Variants in MINDY4 observed in about 807,000 individuals in gnomAD.
The protein encoded by MINDY4 is probable ubiquitin carboxyl-terminal hydrolase MINDY-4.
In MINDY4, 68 loss-of-function variants were observed where a neutral mutation model predicts 87.0. The observed-to-expected ratio is 0.78, with a 90% CI of 0.64 to 0.96. MINDY4 has a LOEUF of 0.96. Among genes scored for constraint, MINDY4 ranks in the 40% least tolerant of loss-of-function variants. The probability of loss-of-function intolerance (pLI) is 0.00; values close to 1 mark genes in which losing one functional copy is unlikely to be tolerated. For missense variants in MINDY4, 919 were observed against 928.2 expected, an observed-to-expected ratio of 0.99 and a Z score of 0.13; for synonymous variants, 379 against 363.2, an observed-to-expected ratio of 1.04 and a Z score of -0.50.
At chr7:30,883,704 A>G (rs1377658377) in intron 17 of MINDY4, among the ~76,000 whole-genome samples, 2 of 152,160 alleles carry the variant, frequency 1.3e-5, no homozygotes, top group East Asian at 1.9e-4. Context: ...GGCCCTTCAC[A>G]AAGCCCTTGG....
chr7:30,860,298 G>A (rs963005190), intron 13 of MINDY4, among the ~76,000 whole-genome samples: 10 of 152,158 alleles, frequency 6.6e-5, no homozygotes, highest in South Asian at 2.1e-4. Flanking sequence ...GGCCTCTGCT[G>A]TGGATTCGGG....
intron 9 of MINDY4, among the ~76,000 whole-genome samples, chr7:30,844,597 A>C (rs574999591): frequency 3.9e-5 from 6 of 152,214 alleles, no homozygotes; most frequent in African/African-American, 1.2e-4. Context: ...TGGAGAAGAG[A>C]AGGGAGGTGG....
intron 1 of MINDY4, among the ~76,000 whole-genome samples, chr7:30,777,376 G>A (rs1786856691): frequency 6.6e-6 from 1 of 152,264 alleles, no homozygotes; most frequent in East Asian, 1.9e-4. Flanking sequence ...AATGCGGGTG[G>A]TTGGTTTTGA....
intron 5 of MINDY4, among the ~76,000 whole-genome samples, chr7:30,813,420 G>A (rs192302291): frequency 1.3e-4 from 20 of 152,300 alleles, no homozygotes; most frequent in Admixed American, 1.3e-3. Context: ...TTTCAGTACA[G>A]CCTTTCCACC....
At chr7:30,857,495 C>T (rs1304418436) in intron 12 of MINDY4, among the ~76,000 whole-genome samples, 1 of 41,584 alleles carries the variant, frequency 2.4e-5, no homozygotes, top group Non-Finnish European at 3.2e-5. Flanking sequence ...TTTTTTGAGA[C>T]GGAGTCTCGC....
At chr7:30,802,945 C>G (rs1787702600) in intron 5 of MINDY4, 1 of 152,018 alleles carries the variant, frequency 6.6e-6, no homozygotes, top group African/African-American at 2.4e-5. Context: ...AACCAACCAA[C>G]CCACCCAACC....
intron 5 of MINDY4, among the ~76,000 whole-genome samples, chr7:30,811,800 C>T (rs1390751802): frequency 6.6e-6 from 1 of 152,176 alleles, no homozygotes; most frequent in Non-Finnish European, 1.5e-5. Flanking sequence ...CTTGCTCAAT[C>T]GATCACGACC....
rs79336853 is a variant in MINDY4, at chr7:30,838,413, G to C, written c.1240-787G>C. On this transcript the variant is annotated intron_variant, in intron 7 of 17. Coordinates refer to ENST00000265299, the MANE Select transcript of MINDY4 (RefSeq NM_032222.3). ...CACTCATGGGCGGCATCACAGAGGAGGTTCTTACGCATGGTAGAGAGTTGT... is the reference window on the plus strand; with the variant it reads ...CACTCATGGGCGGCATCACAGAGGACGTTCTTACGCATGGTAGAGAGTTGT... 6.4e-3 allele frequency among the ~76,000 whole-genome samples: 981 copies of C among 152,262 alleles called. 11 individuals carry two copies. The highest frequency in any genetic ancestry group is 0.022 in the African/African-American group (927 of 41,538).
intron 11 of MINDY4, among the ~76,000 whole-genome samples, chr7:30,852,988 A>G (rs1416102040): frequency 6.6e-6 from 1 of 152,214 alleles, no homozygotes; most frequent in Non-Finnish European, 1.5e-5. Context: ...TGCTGAACTC[A>G]GGACACAGCC....
At chr7:30,889,291 A>G (rs1584362645) in intron 17 of MINDY4, among the ~76,000 whole-genome samples, 1 of 152,222 alleles carries the variant, frequency 6.6e-6, no homozygotes, top group East Asian at 1.9e-4. Context: ...GCAGATTGCT[A>G]AGGTGCTTTT....
chr7:30,830,155 A>G (rs1295708380), intron 6 of MINDY4, among the ~76,000 whole-genome samples: 1 of 152,140 alleles, frequency 6.6e-6, no homozygotes. Context: ...ACCCCAGTTC[A>G]TTTTACTTTG....
chr7:30,777,925 A>G (rs73298002), intron 1 of MINDY4, among the ~76,000 whole-genome samples: 74 of 152,268 alleles, frequency 4.9e-4, no homozygotes, highest in African/African-American at 1.7e-3. Flanking sequence ...GATGATGGAA[A>G]GTGGCTTTGC....
At chr7:30,850,709 C>T (rs1325669374) in intron 10 of MINDY4, among the ~76,000 whole-genome samples, 154 bp downstream of exon 10, 3 of 152,244 alleles carry the variant, frequency 2.0e-5, no homozygotes, top group African/African-American at 7.2e-5. Context: ...ATGTGCTGAG[C>T]AGCCGCAGAC....
intron 13 of MINDY4, among the ~76,000 whole-genome samples, chr7:30,867,628 C>T (rs1458276137): frequency 6.6e-6 from 1 of 152,184 alleles, no homozygotes; most frequent in Non-Finnish European, 1.5e-5. Flanking sequence ...TGCCCTTACA[C>T]TATTGATGTT....
intron 5 of MINDY4, among the ~76,000 whole-genome samples, chr7:30,819,815 A>G (rs773159106): frequency 2.6e-5 from 4 of 151,274 alleles, no homozygotes; most frequent in Admixed American, 6.6e-5. Flanking sequence ...TTAAATGGCT[A>G]GTATACAAGT....
intron 17 of MINDY4, among the ~76,000 whole-genome samples, chr7:30,888,617 C>T (rs543147374): frequency 1.1e-4 from 16 of 152,292 alleles, no homozygotes; most frequent in African/African-American, 3.9e-4. Flanking sequence ...TCCTTGTAAT[C>T]GACTCACAAG....
In MINDY4 at chr7:30,836,722, G is replaced by T. The variant is rs1275960540; in HGVS notation, c.1197G>T (p.Lys399Asn). 6.2e-7 allele frequency: 1 copy of T among 1,614,206 alleles called. No individual in the cohort carries two copies. The highest frequency in any genetic ancestry group is 2.2e-5 in the East Asian group (1 of 44,882). Residue 399 changes from lysine (K) to asparagine (N), a missense_variant, in exon 7 of 18, where the codon AAG becomes AAT. Coordinates refer to ENST00000265299, the MANE Select transcript of MINDY4 (RefSeq NM_032222.3). Reference protein sequence around the residue: ...VILSPVPSVLKLQTASKPIDL... With the variant: ...VILSPVPSVLNLQTASKPIDL... ...TGTCGCCAGTCCCATCAGTGCTCAA[G>T]TTGCAGACAGCATCAAAACCAATTG...
At chr7:30,814,228 T>C (rs1788085807) in intron 5 of MINDY4, among the ~76,000 whole-genome samples, 1 of 152,226 alleles carries the variant, frequency 6.6e-6, no homozygotes, top group South Asian at 2.1e-4. Flanking sequence ...TTCTAGGGCC[T>C]CTTAGAAAGG....
intron 15 of MINDY4, among the ~76,000 whole-genome samples, chr7:30,878,770 ATCC>A (rs143396851): frequency 0.033 from 4,983 of 152,280 alleles, 110 homozygotes; most frequent in Middle Eastern, 0.092. Context: ...TGAAAGCTCC[ATCC>A]TCCTCCCATC....
Sources: gnomAD v4.1 joint callset for allele counts (sites outside exome capture counted in the v4.1 genomes callset) on GRCh38, gnomAD v4.1.1 for gene constraint, MANE v1.5 for transcripts, NCBI Gene and HGNC (gene_info 2026-07-23, HGNC 2026-07-21) for gene names.